Variants in PARD3B observed in about 807,000 individuals in gnomAD.
The protein encoded by PARD3B is par-3 family cell polarity regulator beta.
A neutral mutation model predicts 130.2 loss-of-function variants in PARD3B; 103 were observed. The ratio of observed to expected loss-of-function variants is 0.79; its 90% CI spans 0.67 to 0.93. The LOEUF (loss-of-function observed/expected upper bound fraction) is 0.93, where lower values mean the gene tolerates loss of function less well. Ranked by LOEUF, PARD3B falls within the 40% of genes least tolerant of loss-of-function variation. The pLI is 0.00. For synonymous variants in PARD3B, 583 were observed against 553.2 expected, an observed-to-expected ratio of 1.05 and a Z score of -0.76; for missense variants, 1,609 against 1,499.2, an observed-to-expected ratio of 1.07 and a Z score of -1.21.
chr2:204,934,656 C>G (rs887819670), intron 2 of PARD3B, among the ~76,000 whole-genome samples: 1 of 152,010 alleles, frequency 6.6e-6, no homozygotes, highest in African/African-American at 2.4e-5. Flanking sequence ...TTTTCCAGAC[C>G]TTTTTTATTA....
At chr2:204,803,240 C>G (rs919740137) in intron 2 of PARD3B, among the ~76,000 whole-genome samples, 2 of 147,030 alleles carry the variant, frequency 1.4e-5, no homozygotes, top group African/African-American at 5.0e-5. Flanking sequence ...AAATAAAATC[C>G]AAGGGATTTC....
At position 205,291,227 on chromosome 2, in the gene PARD3B, A is replaced by G. The variant is rs2105873541; in HGVS notation, c.2186-9303A>G. Among the ~76,000 whole-genome samples the G allele has an allele frequency of 6.6e-6, 1 of 152,298 alleles. No homozygotes were observed. Among genetic ancestry groups the G allele is most frequent in the South Asian group, 2.1e-4 (1 of 4,824 alleles). On this transcript the variant is annotated intron_variant, in intron 16 of 22. Coordinates refer to ENST00000406610, the MANE Select transcript of PARD3B (RefSeq NM_001302769.2). The surrounding 1 kb of genome is among the most constrained non-coding windows in gnomAD (Gnocchi z 4.6). ...ATTCTGGCAAGGGCTCCAAAGCAAA[A>G]CAAAAACAAACAAAAAAAGCAACAG...
At chr2:205,456,377 T>C (rs946685578) in intron 20 of PARD3B, among the ~76,000 whole-genome samples, 1 of 152,090 alleles carries the variant, frequency 6.6e-6, no homozygotes, top group African/African-American at 2.4e-5. Context: ...TTCTTATCTG[T>C]ATGCTTTTTA....
chr2:204,990,277 G>C (rs1693543006), intron 3 of PARD3B, among the ~76,000 whole-genome samples: 1 of 148,722 alleles, frequency 6.7e-6, no homozygotes, highest in South Asian at 2.1e-4. Context: ...TTTTTTTACT[G>C]ATAATAATTG....
rs1384729413 is a variant in PARD3B at position 204,880,624 on chromosome 2, A to G, written c.223-84528A>G. Among the ~76,000 whole-genome samples the G allele has an allele frequency of 7.9e-5, 11 of 138,758 alleles. No homozygotes were observed. The East Asian group carries it at 2.4e-3, about 30-fold the overall frequency. The allele number at this position is 138,758 out of a possible 152,430, so 91.0% of individuals were successfully genotyped here. On this transcript the variant is annotated intron_variant, in intron 2 of 22. Coordinates refer to ENST00000406610, the MANE Select transcript of PARD3B (RefSeq NM_001302769.2). ...CAGTGAGCTGAGATCATGCCACTGC[A>G]CTCCAGCCTGGTGACAGAGCGAGAC...
chr2:204,582,595 G>T (rs1363486848), intron 1 of PARD3B, among the ~76,000 whole-genome samples: 1 of 152,120 alleles, frequency 6.6e-6, no homozygotes, highest in Non-Finnish European at 1.5e-5. Flanking sequence ...ATTAATGTAT[G>T]CTACTGAGAT....
intron 2 of PARD3B, among the ~76,000 whole-genome samples, chr2:204,884,512 G>A (rs1575212092): frequency 6.6e-6 from 1 of 152,218 alleles, no homozygotes; most frequent in South Asian, 2.1e-4. Flanking sequence ...TTGTTACATA[G>A]GTAAATGTGT....
At chr2:205,282,483 ATG>A (rs2041226131) in intron 16 of PARD3B, among the ~76,000 whole-genome samples, 2 of 135,364 alleles carry the variant, frequency 1.5e-5, no homozygotes, top group Admixed American at 8.3e-5. Flanking sequence ...ATATATTTGT[ATG>A]TGTGTATATA....
chr2:205,013,198 C>T (rs116154455), intron 3 of PARD3B, among the ~76,000 whole-genome samples: 114 of 152,294 alleles, frequency 7.5e-4, no homozygotes, highest in African/African-American at 2.6e-3. Flanking sequence ...CACGCAGGCA[C>T]AGAGCCATGG....
intron 2 of PARD3B, among the ~76,000 whole-genome samples, chr2:204,954,228 A>G (rs1690047281): frequency 1.3e-5 from 2 of 152,228 alleles, no homozygotes; most frequent in South Asian, 4.1e-4. Flanking sequence ...TTCAGCAGCT[A>G]AACCCACCTG....
intron 4 of PARD3B, among the ~76,000 whole-genome samples, chr2:205,096,890 T>G (rs1702434837): frequency 6.6e-6 from 1 of 152,204 alleles, no homozygotes. Flanking sequence ...GTCTTTCGTA[T>G]AAATAATTTC....
At chr2:205,606,485 C>T (rs1481649177) in intron 22 of PARD3B, among the ~76,000 whole-genome samples, 2 of 152,036 alleles carry the variant, frequency 1.3e-5, no homozygotes, top group Non-Finnish European at 2.9e-5. Context: ...GTAGCTGGTG[C>T]AGAATTCACT....
chr2:204,909,395 A>C (rs1469099023), intron 2 of PARD3B, among the ~76,000 whole-genome samples: 1 of 152,214 alleles, frequency 6.6e-6, no homozygotes, highest in Admixed American at 6.5e-5. Context: ...TCATGCATAT[A>C]AATTATTGGT....
intron 1 of PARD3B, among the ~76,000 whole-genome samples, chr2:204,624,343 T>C (rs1199129992): frequency 6.6e-6 from 1 of 150,664 alleles, no homozygotes; most frequent in Non-Finnish European, 1.5e-5. Context: ...TGTGGAAAAA[T>C]TGGAACTTTT....
In PARD3B at chr2:205,121,232, T is replaced by TTAGA. The variant is rs778263916; in HGVS notation, c.807-357_807-354dup. Among the ~76,000 whole-genome samples the TTAGA allele has an allele frequency of 3.9e-5, 6 of 152,248 alleles. No homozygotes were observed. Among genetic ancestry groups the TTAGA allele is most frequent in the Non-Finnish European group, 7.3e-5 (5 of 68,034 alleles). On this transcript the variant is annotated intron_variant, in intron 7 of 22. Transcript: ENST00000406610. This position sits in a 1 kb window ranked among gnomAD's most constrained non-coding sequence, Gnocchi z 5.0. ...TATTCACTTTGGTAATCACTTCTGG[T>TTAGA]TAGATTTTCATCTTTAGAAACATGT...
chr2:204,661,095 T>C (rs144456646), intron 1 of PARD3B, among the ~76,000 whole-genome samples: 2 of 152,306 alleles, frequency 1.3e-5, no homozygotes, highest in African/African-American at 2.4e-5. Flanking sequence ...TGATTCTTCC[T>C]AGTAACAACT....
intron 2 of PARD3B, among the ~76,000 whole-genome samples, chr2:204,834,998 G>A (rs1238498890): frequency 6.6e-6 from 1 of 152,150 alleles, no homozygotes; most frequent in Non-Finnish European, 1.5e-5. Flanking sequence ...ATTAGACCTG[G>A]TACAAGTCAC....
chr2:204,720,072 T>G (rs1302603612), intron 2 of PARD3B, among the ~76,000 whole-genome samples: 1 of 152,044 alleles, frequency 6.6e-6, no homozygotes, highest in Non-Finnish European at 1.5e-5. Flanking sequence ...CATTTTTTTG[T>G]GAAGGTCTAA....
chr2:204,730,065 ATTTC>A (rs1307713051), intron 2 of PARD3B, among the ~76,000 whole-genome samples: 11 of 149,696 alleles, frequency 7.3e-5, no homozygotes, highest in South Asian at 2.1e-4. Flanking sequence ...TGCATAGTTA[ATTTC>A]TTTCTTTCTT....
Sources: allele counts gnomAD v4.1 joint callset (sites outside exome capture counted in the v4.1 genomes callset), GRCh38; gene constraint gnomAD v4.1.1; non-coding constraint Gnocchi (gnomAD v3.1); transcripts MANE v1.5; gene names NCBI Gene and HGNC (gene_info 2026-07-23, HGNC 2026-07-21).